LRRC8D: variants seen among roughly 807,000 people sequenced by gnomAD.
The protein encoded by LRRC8D is leucine rich repeat containing 8 VRAC subunit D.
LRRC8D carries 20 observed loss-of-function variants against 55.8 expected under a neutral mutation model. That is an observed-to-expected ratio of 0.36 (90% confidence interval 0.25 to 0.52). The LOEUF (loss-of-function observed/expected upper bound fraction) is 0.52. LRRC8D is among the 20% of genes least tolerant of loss of function. LRRC8D has a pLI of 0.93. For synonymous variants in LRRC8D, 352 were observed against 377.0 expected (o/e 0.93, Z 0.77); for missense variants, 651 against 1,030.8 (o/e 0.63, Z 5.05).
At chr1:89,859,651 C>T (rs150673255) in intron 2 of LRRC8D, among the ~76,000 whole-genome samples, 155 of 152,254 alleles carry the variant, frequency 1.0e-3, no homozygotes, top group African/African-American at 3.6e-3. Context: ...AAATGTGAAC[C>T]ATAATAACTA....
chr1:89,850,498 C>T (rs994899646), intron 2 of LRRC8D, among the ~76,000 whole-genome samples: 112 of 152,262 alleles, frequency 7.4e-4, no homozygotes, highest in African/African-American at 2.5e-3. Context: ...ATTTAGCTCC[C>T]ACTTATAAGT....
intron 1 of LRRC8D, among the ~76,000 whole-genome samples, chr1:89,825,361 AT>A (rs1319407727): frequency 1.3e-5 from 2 of 152,178 alleles, no homozygotes; most frequent in African/African-American, 4.8e-5. Flanking sequence ...CCATTTTGAA[AT>A]TGTTCAAGTC....
chr1:89,919,368 A>G (rs1663354619), intron 2 of LRRC8D, among the ~76,000 whole-genome samples: 2 of 152,228 alleles, frequency 1.3e-5, no homozygotes, highest in Non-Finnish European at 2.9e-5. Flanking sequence ...TTATGGGTTT[A>G]TGATCAGAGG....
intron 2 of LRRC8D, among the ~76,000 whole-genome samples, chr1:89,848,731 G>A (rs990885782): frequency 6.6e-6 from 1 of 151,158 alleles, no homozygotes; most frequent in African/African-American, 2.4e-5. Flanking sequence ...ACTGAGTCTC[G>A]CCTTGTCACC....
At chr1:89,859,450 G>C (rs1661644629) in intron 2 of LRRC8D, among the ~76,000 whole-genome samples, 1 of 152,082 alleles carries the variant, frequency 6.6e-6, no homozygotes, top group African/African-American at 2.4e-5. Context: ...CGAAATTGTT[G>C]TTATAACATT....
Position 89,933,367 on chromosome 1 carries a change from T to A in LRRC8D, c.299T>A (p.Phe100Tyr). Residue 100 changes from phenylalanine (F) to tyrosine (Y), a missense_variant, in exon 3 of 3, where the codon TTT (phenylalanine) becomes TAT (tyrosine). Physicochemically the swap from Phe to Tyr is conservative, Grantham distance 22 (BLOSUM62 3). Transcript: ENST00000337338. The surrounding 1 kb of genome is among the most constrained non-coding windows in gnomAD (Gnocchi z 7.0). ...GGGCGGACAACAAACGACATTTCCTTTGGGACATCTGCTGTGACACCTGAC... is the reference window on the plus strand; with the variant it reads ...GGGCGGACAACAAACGACATTTCCTATGGGACATCTGCTGTGACACCTGAC... Reference protein sequence around the residue: ...QDGRTTNDISFGTSAVTPDIP... With the variant: ...QDGRTTNDISYGTSAVTPDIP... The A allele has an allele frequency of 1.9e-6, 3 of 1,614,088 alleles. No homozygotes were observed. The highest frequency in any genetic ancestry group is 2.5e-6 in the Non-Finnish European group (3 of 1,180,020).
At chr1:89,895,553 T>C (rs1282394305) in intron 2 of LRRC8D, among the ~76,000 whole-genome samples, 1 of 152,336 alleles carries the variant, frequency 6.6e-6, no homozygotes, top group South Asian at 2.1e-4. Flanking sequence ...GATGTACTGT[T>C]TGTTTTTTTA....
intron 1 of LRRC8D, among the ~76,000 whole-genome samples, chr1:89,824,523 T>C (rs1242790832): frequency 6.6e-6 from 1 of 152,246 alleles, no homozygotes; most frequent in Non-Finnish European, 1.5e-5. Context: ...AACCGTGAAC[T>C]TCTCCTGAAG....
chr1:89,933,698 A>G lies in LRRC8D; in HGVS notation c.630A>G (p.Thr210=). 1 of 1,614,210 alleles carries G rather than the reference A, an allele frequency of 6.2e-7. No homozygotes were observed. Among genetic ancestry groups the G allele is most frequent in the Non-Finnish European group, 8.5e-7 (1 of 1,180,046 alleles). The stretch of plus-strand genomic sequence containing the variant: ...AGTGCTTTGAATCCCCTTGGACGAC[A>G]AAAGCGTTGTCTGAGACAGCATGCG... The part of the protein sequence containing the change: ...LGKCFESPWT[T]KALSETACED... Residue 210 remains threonine (T), a synonymous_variant, in exon 3 of 3, where the codon ACA becomes ACG. Transcript: ENST00000337338. The surrounding 1 kb of genome is among the most constrained non-coding windows in gnomAD (Gnocchi z 7.0).
chr1:89,842,231 A>C (rs1661153830), intron 1 of LRRC8D, among the ~76,000 whole-genome samples: 1 of 151,034 alleles, frequency 6.6e-6, no homozygotes, highest in Non-Finnish European at 1.5e-5. Flanking sequence ...AAAAAAAAAA[A>C]AGAATTTGTG....
intron 1 of LRRC8D, among the ~76,000 whole-genome samples, chr1:89,837,998 T>A (rs1175367915): frequency 6.6e-6 from 1 of 151,928 alleles, no homozygotes; most frequent in Admixed American, 6.6e-5. Context: ...ATGAACATTA[T>A]ATTTATTTGA....
chr1:89,868,599 A>G (rs747577745), intron 2 of LRRC8D, among the ~76,000 whole-genome samples: 1 of 152,094 alleles, frequency 6.6e-6, no homozygotes, highest in Non-Finnish European at 1.5e-5. Context: ...TTCTAACTAT[A>G]TGCCAGGCAC....
chr1:89,882,494 T>C (rs1157922989), intron 2 of LRRC8D, among the ~76,000 whole-genome samples: 1 of 152,212 alleles, frequency 6.6e-6, no homozygotes, highest in Non-Finnish European at 1.5e-5. Context: ...CCACAGATGG[T>C]AAATGCTGTG....
chr1:89,890,439 A>G lies in LRRC8D; in HGVS notation c.-2-42628A>G, dbSNP rs80270551. On this transcript the variant is annotated intron_variant, in intron 2 of 2. Coordinates refer to ENST00000337338, the MANE Select transcript of LRRC8D (RefSeq NM_001134479.2). Reference sequence around the variant, plus strand: ...TGGTATTTATAGCCCCAGGCTTTGTATGCTATATCATTCATTCAGTCTTTT... The same window carrying G: ...TGGTATTTATAGCCCCAGGCTTTGTGTGCTATATCATTCATTCAGTCTTTT... Among the ~76,000 whole-genome samples the G allele has an allele frequency of 5.5e-3, 845 of 152,292 alleles. 9 individuals carry two copies. The highest frequency in any genetic ancestry group is 0.019 in the African/African-American group (808 of 41,566).
chr1:89,844,647 A>C (rs975752169), intron 2 of LRRC8D, among the ~76,000 whole-genome samples: 1 of 152,198 alleles, frequency 6.6e-6, no homozygotes, highest in Non-Finnish European at 1.5e-5. Flanking sequence ...TTCCATCTCA[A>C]ATGTTCATAG....
chr1:89,890,081 G>A (rs1041796245), intron 2 of LRRC8D, among the ~76,000 whole-genome samples: 1 of 152,216 alleles, frequency 6.6e-6, no homozygotes, highest in African/African-American at 2.4e-5. Flanking sequence ...CAGCTACTTG[G>A]GAGGCTGAGG....
chr1:89,911,567 T>C lies in LRRC8D; in HGVS notation c.-2-21500T>C, dbSNP rs1345035438. Among the ~76,000 whole-genome samples the C allele has an allele frequency of 6.6e-6, 1 of 152,116 alleles. No individual in the cohort carries two copies. The highest frequency in any genetic ancestry group is 1.5e-5 in the Non-Finnish European group (1 of 68,026). Reference sequence around the variant, plus strand: ...TCCAACTTTTACCCCTCTACTCCTTTCCTATCCTGAAAAATACACCCTCCC... The same window carrying C: ...TCCAACTTTTACCCCTCTACTCCTTCCCTATCCTGAAAAATACACCCTCCC... On this transcript the variant is annotated intron_variant, in intron 2 of 2. Coordinates refer to ENST00000337338, the MANE Select transcript of LRRC8D (RefSeq NM_001134479.2). The surrounding 1 kb of genome is among the most constrained non-coding windows in gnomAD (Gnocchi z 4.0).
At chr1:89,859,732 C>T (rs190086388) in intron 2 of LRRC8D, among the ~76,000 whole-genome samples, 223 of 152,280 alleles carry the variant, frequency 1.5e-3, no homozygotes, top group African/African-American at 5.1e-3. Flanking sequence ...GATAATTCCT[C>T]TATGTTTCCT....
At chr1:89,843,484 G>A (rs1661189442) in intron 1 of LRRC8D, 154 bp from the exon 2 acceptor site, 1 of 454,948 alleles carries the variant, frequency 2.2e-6, no homozygotes, top group Non-Finnish European at 4.0e-6. Flanking sequence ...GTGCGGCGGG[G>A]TCGCCACGGC....
Sources: gnomAD v4.1 joint callset for allele counts (sites outside exome capture counted in the v4.1 genomes callset) on GRCh38, gnomAD v4.1.1 for gene constraint, Gnocchi (gnomAD v3.1) non-coding constraint, MANE v1.5 for transcripts, NCBI Gene and HGNC (gene_info 2026-07-23, HGNC 2026-07-21) for gene names.